ZNF138: variants seen among roughly 807,000 people sequenced by gnomAD.
ZNF138 encodes zinc finger protein 138 (clone pHZ-32).
ZNF138 carries 33 observed loss-of-function variants against 33.0 expected under a neutral mutation model. That is an observed-to-expected ratio of 1.00 (90% CI 0.76 to 1.34). ZNF138 has a LOEUF of 1.34. ZNF138 is among the 40% of genes most tolerant of loss of function. ZNF138 has a pLI of 0.00. For synonymous variants in ZNF138, 139 were observed against 120.4 expected (o/e 1.15, Z -1.01); for missense variants, 360 against 370.8 (o/e 0.97, Z 0.24).
At chr7:64,853,402 T>C in the ZNF138 span, 1 of 1,124,570 alleles carries the variant, frequency 8.9e-7, no homozygotes, top group East Asian at 2.4e-5. Context: ...CCCTTCCCTC[T>C]GCGAGTTGGC....
intron 1 of ZNF138, among the ~76,000 whole-genome samples, chr7:64,807,879 G>T (rs1208532381): frequency 6.6e-6 from 1 of 152,160 alleles, no homozygotes; most frequent in Non-Finnish European, 1.5e-5. Context: ...AAGGTCACAA[G>T]GTATCCACAG....
At chr7:64,844,352 C>T in the ZNF138 span, among the ~76,000 whole-genome samples, 1 of 152,162 alleles carries the variant, frequency 6.6e-6, no homozygotes, top group Non-Finnish European at 1.5e-5. Flanking sequence ...CCTACAGTGC[C>T]CAGAAGAATA....
At chr7:64,794,640 G>A in intron 1 of ZNF138, 69 bp downstream of exon 1, 1 of 1,608,366 alleles carries the variant, frequency 6.2e-7, no homozygotes, top group African/African-American at 1.3e-5. Context: ...GGAAGTGGCT[G>A]TGGCAGTACT....
At chr7:64,847,898 T>C in the ZNF138 span, among the ~76,000 whole-genome samples, 2 of 152,194 alleles carry the variant, frequency 1.3e-5, no homozygotes, top group African/African-American at 4.8e-5. Flanking sequence ...ATTGTGTTAT[T>C]TGTGGCCTGT....
At chr7:64,805,276 G>A (rs1366730426) in intron 1 of ZNF138, among the ~76,000 whole-genome samples, 1 of 152,088 alleles carries the variant, frequency 6.6e-6, no homozygotes, top group Admixed American at 6.5e-5. Flanking sequence ...GCAGGTGCCT[G>A]TAATCTCAGC....
chr7:64,840,408 AT>A, the ZNF138 span, among the ~76,000 whole-genome samples: 3 of 152,156 alleles, frequency 2.0e-5, no homozygotes, highest in African/African-American at 7.2e-5. Flanking sequence ...CGTTGGTTAA[AT>A]TTTTTATTTA....
chr7:64,834,676 ATT>A (rs906241509), downstream of ZNF138, among the ~76,000 whole-genome samples: 13 of 152,078 alleles, frequency 8.5e-5, no homozygotes, highest in African/African-American at 3.1e-4. Flanking sequence ...TTGTTTTTGA[ATT>A]TTTCTATGGA....
intron 1 of ZNF138, among the ~76,000 whole-genome samples, chr7:64,808,476 T>G (rs1787795141): frequency 6.6e-6 from 1 of 151,920 alleles, no homozygotes; most frequent in Admixed American, 6.5e-5. Flanking sequence ...TAAATAGATG[T>G]GGGCAAAAAA....
chr7:64,836,408 C>G (rs777872492), downstream of ZNF138: 19 of 152,168 alleles, frequency 1.2e-4, no homozygotes, highest in African/African-American at 4.1e-4. Context: ...CTGGCAAGCT[C>G]TTTCTCGGCT....
intron 2 of ZNF138, 35 bp downstream of exon 2, chr7:64,815,079 T>C (rs748824180): frequency 1.3e-6 from 2 of 1,493,498 alleles, no homozygotes; most frequent in South Asian, 1.4e-5. Context: ...TCCTAATATA[T>C]CCTAAAGGTT....
In ZNF138 at chr7:64,831,665, T is replaced by C. The variant is rs140632990; in HGVS notation, c.423T>C (p.Cys141=). 31 of 1,608,720 alleles carry C rather than the reference T, an allele frequency of 1.9e-5. No homozygotes were observed. The highest frequency in any genetic ancestry group is 2.5e-5 in the Non-Finnish European group (30 of 1,178,092). The change falls in exon 4 of 4, where the codon TGT becomes TGC. Residue 141 remains cysteine, a synonymous_variant. Coordinates refer to ENST00000307355, the MANE Select transcript of ZNF138 (RefSeq NM_001271639.2). Reference sequence around the variant, plus strand: ...TTACCACAAGCAAAATATTTCAATGTAATAAATATGTAAAAGTCATGCATA... The same window carrying C: ...TTACCACAAGCAAAATATTTCAATGCAATAAATATGTAAAAGTCATGCATA... ...LKITTSKIFQ[C]NKYVKVMHKF... is the part of the protein sequence containing the mutation.
At chr7:64,801,746 T>A (rs1169999821) in intron 1 of ZNF138, among the ~76,000 whole-genome samples, 10 of 152,194 alleles carry the variant, frequency 6.6e-5, no homozygotes, top group Non-Finnish European at 1.3e-4. Context: ...ATAGTGTCTG[T>A]GGGGTGTTGT....
In ZNF138 at chr7:64,832,224, A is replaced by G; in HGVS notation, c.*22A>G. The stretch of plus-strand genomic sequence containing the variant: ...TTAACAACTTACTGAACATAAGAAA[A>G]TTTACACTAGAGAGAAAGCCTACAA... On this transcript the variant is annotated 3_prime_UTR_variant, in exon 4 of 4. Coordinates refer to ENST00000307355, the MANE Select transcript of ZNF138 (RefSeq NM_001271639.2). 1.9e-6 allele frequency: 3 copies of G among 1,603,102 alleles called. No homozygotes were observed. The highest frequency in any genetic ancestry group is 2.5e-6 in the Non-Finnish European group (3 of 1,176,766).
chr7:64,845,341 G>A, the ZNF138 span, among the ~76,000 whole-genome samples: 2 of 152,278 alleles, frequency 1.3e-5, no homozygotes, highest in South Asian at 4.1e-4. Context: ...TGGGCATTTA[G>A]GTTTGTTTCA....
At chr7:64,808,438 T>C (rs1163889566) in intron 1 of ZNF138, among the ~76,000 whole-genome samples, 3 of 152,172 alleles carry the variant, frequency 2.0e-5, no homozygotes, top group African/African-American at 7.2e-5. Flanking sequence ...AATACATGGT[T>C]GAATTAAGCA....
At chr7:64,837,197 G>T (rs1790393310), downstream of ZNF138, among the ~76,000 whole-genome samples, 1 of 152,100 alleles carries the variant, frequency 6.6e-6, no homozygotes, top group Non-Finnish European at 1.5e-5. Context: ...TGTTGTGTAG[G>T]TGCCCTCTTA....
At position 64,832,148 on chromosome 7, in the gene ZNF138, T is replaced by C. The variant is rs777359561; in HGVS notation, c.906T>C (p.Thr302=). 6.2e-7 allele frequency: 1 copy of C among 1,612,246 alleles called. No individual in the cohort carries two copies. Among genetic ancestry groups the C allele is most frequent in the Non-Finnish European group, 8.5e-7 (1 of 1,179,582 alleles). ...PTLTKHQIIY[T]GEEPYKCEEC... Reference sequence around the variant, plus strand: ...TTACTAAACATCAGATAATTTATACTGGAGAGGAACCATACAAATGTGAGG... The same window carrying C: ...TTACTAAACATCAGATAATTTATACCGGAGAGGAACCATACAAATGTGAGG... The change falls in exon 4 of 4, where the codon ACT becomes ACC. Residue 302 remains threonine, a synonymous_variant. Coordinates refer to ENST00000307355, the MANE Select transcript of ZNF138 (RefSeq NM_001271639.2).
intron 1 of ZNF138, among the ~76,000 whole-genome samples, chr7:64,812,380 GA>G (rs1405128730): frequency 6.6e-6 from 1 of 152,038 alleles, no homozygotes; most frequent in Non-Finnish European, 1.5e-5. Flanking sequence ...GGATGGTCTT[GA>G]AATCCTGGCC....
At chr7:64,821,039 TTTTTTGTTTTGTTTTTGG>T (rs1458428323) in intron 3 of ZNF138, among the ~76,000 whole-genome samples, 1 of 75,342 alleles carries the variant, frequency 1.3e-5, no homozygotes, top group Admixed American at 1.7e-4. Context: ...GTGATTGTTT[TTTTTTGTTTTGTTTTTGG>T]TTTTTTTGTT....
Sources: allele counts gnomAD v4.1 joint callset (sites outside exome capture counted in the v4.1 genomes callset), GRCh38; gene constraint gnomAD v4.1.1; transcripts MANE v1.5; gene names NCBI Gene and HGNC (gene_info 2026-07-23, HGNC 2026-07-21).